KCTD8: variants seen among roughly 807,000 people sequenced by gnomAD.
KCTD8 encodes the protein BTB/POZ domain-containing protein KCTD8.
KCTD8 carries 27 observed loss-of-function variants against 31.5 expected under a neutral mutation model. The observed-to-expected ratio is 0.86, with a 90% CI of 0.63 to 1.18. The LOEUF (loss-of-function observed/expected upper bound fraction) is 1.18. KCTD8 is among the 50% of genes most tolerant of loss of function. The pLI is 0.00. For synonymous variants in KCTD8, 290 were observed against 280.0 expected (o/e 1.04, Z -0.36); for missense variants, 658 against 647.7 (o/e 1.02, Z -0.17).
At chr4:44,272,830 T>G (rs116666129) in intron 1 of KCTD8, among the ~76,000 whole-genome samples, 1 of 152,066 alleles carries the variant, frequency 6.6e-6, no homozygotes, top group Admixed American at 6.6e-5. Flanking sequence ...ATTACTGCAA[T>G]GCCACCAACA....
chr4:44,321,625 A>G (rs1183271398), intron 1 of KCTD8, among the ~76,000 whole-genome samples: 1 of 152,178 alleles, frequency 6.6e-6, no homozygotes, highest in Non-Finnish European at 1.5e-5. Flanking sequence ...ATATCCTTCT[A>G]GCTATTTTGA....
In KCTD8 at chr4:44,446,523, A is replaced by C. The variant is rs895997371; in HGVS notation, c.961+1040T>G. ...CGCCACTGAGAATTGTGCCCACCAC[A>C]GCCCCACCCCACTCCCAATCCCACT... On this transcript the variant is annotated intron_variant, in intron 1 of 1. Transcript: ENST00000360029. 1.4e-4 allele frequency among the ~76,000 whole-genome samples: 21 copies of C among 152,154 alleles called. No homozygotes were observed. The Middle Eastern group carries it at 0.01, about 74-fold the overall frequency.
intron 1 of KCTD8, among the ~76,000 whole-genome samples, chr4:44,356,943 T>C (rs1719358049): frequency 6.6e-6 from 1 of 152,158 alleles, no homozygotes; most frequent in South Asian, 2.1e-4. Flanking sequence ...AATGCTTCCA[T>C]ATTTAGAACA....
At chr4:44,336,149 C>CAAAAAAAAAAAAA (rs58161667) in intron 1 of KCTD8, among the ~76,000 whole-genome samples, 1 of 46,526 alleles carries the variant, frequency 2.1e-5, no homozygotes, top group African/African-American at 8.2e-5. Flanking sequence ...GACTCCGTCT[C>CAAAAAAAAAAAAA]AAAAAAAAAA....
rs113648685 is a variant in KCTD8, at chr4:44,186,644, T to C, written c.962-11394A>G. Among the ~76,000 whole-genome samples, 1,165 of 152,318 alleles carry C rather than the reference T, an allele frequency of 7.6e-3. 17 individuals carry two copies. Among genetic ancestry groups the C allele is most frequent in the African/African-American group, 0.026 (1,085 of 41,578 alleles). Reference sequence around the variant, plus strand: ...CCACACTCCCCACGACCTGCCCGTCTGCGTCCTCCCCCTAGGGGTTTTGAG... The same window carrying C: ...CCACACTCCCCACGACCTGCCCGTCCGCGTCCTCCCCCTAGGGGTTTTGAG... On this transcript the variant is annotated intron_variant, in intron 1 of 1. Transcript: ENST00000360029.
At chr4:44,323,500 AC>A (rs1296639386) in intron 1 of KCTD8, among the ~76,000 whole-genome samples, 42 of 82,090 alleles carry the variant, frequency 5.1e-4, no homozygotes, top group South Asian at 2.4e-3. Context: ...ATCCCCACCC[AC>A]CCCCCCCCAA....
At chr4:44,349,703 T>C (rs975681271) in intron 1 of KCTD8, among the ~76,000 whole-genome samples, 2 of 152,210 alleles carry the variant, frequency 1.3e-5, no homozygotes, top group South Asian at 2.1e-4. Flanking sequence ...CTTCCTATCC[T>C]GAATCCTCCA....
chr4:44,395,598 A>C (rs987842324), intron 1 of KCTD8, among the ~76,000 whole-genome samples: 2 of 152,142 alleles, frequency 1.3e-5, no homozygotes, highest in African/African-American at 4.8e-5. Context: ...TCCTTGGTTA[A>C]AGAAACCCAT....
At chr4:44,439,905 TTTATTTA>T (rs1721774945) in intron 1 of KCTD8, among the ~76,000 whole-genome samples, 2 of 103,248 alleles carry the variant, frequency 1.9e-5, no homozygotes, top group African/African-American at 1.6e-4. Flanking sequence ...TTTATTTTTA[TTTATTTA>T]TTTATTTATT....
rs1182747008 is a variant in KCTD8 at position 44,391,696 on chromosome 4, T to TG, written c.961+55866dup. Among the ~76,000 whole-genome samples, 7 of 151,854 alleles carry TG rather than the reference T, an allele frequency of 4.6e-5. No individual in the cohort carries two copies. The Admixed American group carries it at 4.6e-4, about 10-fold the overall frequency. ...CAGTGGGCTATTTGTAGTTAAGTTT[T>TG]GGGGGAGTCAAAAAGTTGGGTCGAA... is the stretch of plus-strand genomic sequence containing the variant. On this transcript the variant is annotated intron_variant, in intron 1 of 1. Transcript: ENST00000360029.
At chr4:44,372,317 G>A (rs1296881476) in intron 1 of KCTD8, among the ~76,000 whole-genome samples, 1 of 152,158 alleles carries the variant, frequency 6.6e-6, no homozygotes, top group African/African-American at 2.4e-5. Context: ...CACTCGAGGG[G>A]CTTACATTCC....
chr4:44,399,148 G>GGGCT (rs1221953358), intron 1 of KCTD8, among the ~76,000 whole-genome samples: 2 of 152,052 alleles, frequency 1.3e-5, no homozygotes, highest in Non-Finnish European at 2.9e-5. Context: ...GCACCTAAGG[G>GGGCT]GGCTGATCAA....
At chr4:44,350,134 T>C (rs1719159809) in intron 1 of KCTD8, among the ~76,000 whole-genome samples, 1 of 152,206 alleles carries the variant, frequency 6.6e-6, no homozygotes, top group Non-Finnish European at 1.5e-5. Context: ...TTTACTATTC[T>C]TCCTCCTCTG....
chr4:44,267,812 C>A (rs531329330), intron 1 of KCTD8, among the ~76,000 whole-genome samples: 1 of 152,200 alleles, frequency 6.6e-6, no homozygotes, highest in East Asian at 1.9e-4. Flanking sequence ...GTAAATCCCT[C>A]GACACATACA....
At chr4:44,398,069 G>A (rs1353163012) in intron 1 of KCTD8, among the ~76,000 whole-genome samples, 1 of 152,042 alleles carries the variant, frequency 6.6e-6, no homozygotes, top group Admixed American at 6.6e-5. Context: ...CATATCCTTA[G>A]GTTCAGAGAA....
At chr4:44,354,545 C>T (rs1424424203) in intron 1 of KCTD8, among the ~76,000 whole-genome samples, 2 of 152,130 alleles carry the variant, frequency 1.3e-5, no homozygotes, top group East Asian at 1.9e-4. Context: ...GAGATGCAAC[C>T]TCCTCTTCCT....
chr4:44,327,912 C>A (rs1577618344), intron 1 of KCTD8, among the ~76,000 whole-genome samples: 1 of 151,848 alleles, frequency 6.6e-6, no homozygotes, highest in Non-Finnish European at 1.5e-5. Flanking sequence ...ATTTAAAATA[C>A]AAACATTTGG....
intron 1 of KCTD8, among the ~76,000 whole-genome samples, chr4:44,217,886 CT>C (rs1336277961): frequency 1.3e-5 from 2 of 152,014 alleles, no homozygotes; most frequent in Non-Finnish European, 2.9e-5. Context: ...ACTTTTGAGG[CT>C]TTTGGACTCA....
intron 1 of KCTD8, among the ~76,000 whole-genome samples, chr4:44,291,979 A>C (rs1420279516): frequency 1.3e-5 from 2 of 150,392 alleles, no homozygotes; most frequent in South Asian, 2.1e-4. Flanking sequence ...AAAAAAAAAA[A>C]AAAACAGGTG....
Sources: allele counts gnomAD v4.1 joint callset (sites outside exome capture counted in the v4.1 genomes callset), GRCh38; gene constraint gnomAD v4.1.1; transcripts MANE v1.5; gene names NCBI Gene and HGNC (gene_info 2026-07-23, HGNC 2026-07-21).